Variants in ACBD3 observed in about 807,000 individuals in gnomAD.
ACBD3 encodes the protein Golgi resident protein GCP60.
In ACBD3, 30 loss-of-function variants were observed where a neutral mutation model predicts 66.9. The ratio of observed to expected loss-of-function variants is 0.45; its 90% confidence interval spans 0.34 to 0.61. The LOEUF (loss-of-function observed/expected upper bound fraction) is 0.61, where lower values mean the gene tolerates loss of function less well. Ranked by LOEUF, ACBD3 falls within the 20% of genes least tolerant of loss-of-function variation. The pLI, the probability that ACBD3 is intolerant of heterozygous loss-of-function variation, is 0.02. For synonymous variants in ACBD3, 278 were observed against 259.8 expected (o/e 1.07, Z -0.68); for missense variants, 544 against 664.5 (o/e 0.82, Z 1.99).
intron 1 of ACBD3, among the ~76,000 whole-genome samples, chr1:226,176,866 ATTTC>A (rs951332150): frequency 1.1e-4 from 17 of 152,214 alleles, no homozygotes; most frequent in Non-Finnish European, 1.8e-4. Context: ...ATATTTTAAT[ATTTC>A]TTCTCAGTAA....
intron 1 of ACBD3, among the ~76,000 whole-genome samples, chr1:226,169,717 A>T (rs145992988): frequency 0.12 from 1 of 8 alleles, no homozygotes; most frequent in African/African-American, 0.25. Flanking sequence ...TTTTTAAAAC[A>T]AAAAAAAAAA....
chr1:226,181,040 A>G (rs1005203667), intron 1 of ACBD3, among the ~76,000 whole-genome samples: 1 of 151,836 alleles, frequency 6.6e-6, no homozygotes, highest in African/African-American at 2.4e-5. Flanking sequence ...ACACATACAC[A>G]TTCCTGAATC....
chr1:226,184,299 A>G (rs1165328153), intron 1 of ACBD3, among the ~76,000 whole-genome samples: 1 of 152,234 alleles, frequency 6.6e-6, no homozygotes, highest in Non-Finnish European at 1.5e-5. Context: ...TGTCTCATAT[A>G]CTAACAGTCT....
chr1:226,164,107 A>G (rs1659821543), intron 3 of ACBD3, among the ~76,000 whole-genome samples: 1 of 130,518 alleles, frequency 7.7e-6, no homozygotes, highest in South Asian at 2.8e-4. Context: ...ACAGAGCAAG[A>G]CTCCATCTTA....
rs529200695 is a variant in ACBD3, at chr1:226,162,973, T to C, written c.570-1284A>G. 1.7e-4 allele frequency among the ~76,000 whole-genome samples: 26 copies of C among 150,652 alleles called. No individual in the cohort carries two copies. In the East Asian group the frequency reaches 4.7e-3, roughly 27 times the overall value. ...AACCACATCCGGCTAATTTTTGTAT[T>C]TTTTTTTTGTAGAGATGGGGTTTTG... On this transcript the variant is annotated intron_variant, in intron 3 of 7. Transcript: ENST00000366812.
chr1:226,153,564 C>T (rs902848681), intron 6 of ACBD3, among the ~76,000 whole-genome samples: 7 of 152,104 alleles, frequency 4.6e-5, no homozygotes, highest in African/African-American at 1.2e-4. Flanking sequence ...GATAATGTAC[C>T]TCTCTCTCCA....
In ACBD3 at chr1:226,146,529, C is replaced by T. The variant is rs1365440506; in HGVS notation, c.*81G>A. On this transcript the variant is annotated 3_prime_UTR_variant, in exon 8 of 8. Transcript: ENST00000366812. The stretch of plus-strand genomic sequence containing the variant: ...AATAAGGTAAACTGTGACTCTAATG[C>T]TCCACAAAAGTAAAAAGAAATTTCC... 9.0e-6 allele frequency: 11 copies of T among 1,216,798 alleles called. No homozygotes were observed. Among genetic ancestry groups the T allele is most frequent in the South Asian group, 1.3e-5 (1 of 74,752 alleles). The allele number at this position is 1,216,798 out of a possible 1,614,324, so 75.4% of individuals were successfully genotyped here.
At chr1:226,165,747 T>C (rs1464670609) in intron 2 of ACBD3, 112 bp downstream of exon 2, 31 of 1,261,076 alleles carry the variant, frequency 2.5e-5, no homozygotes, top group Admixed American at 8.4e-5. Context: ...GCAAAAATGT[T>C]CAGTTCTTAT....
At chr1:226,174,820 G>A (rs1216054021) in intron 1 of ACBD3, among the ~76,000 whole-genome samples, 1 of 151,068 alleles carries the variant, frequency 6.6e-6, no homozygotes, top group African/African-American at 2.4e-5. Context: ...TGAATGGGAA[G>A]GTGGGCACAG....
intron 1 of ACBD3, among the ~76,000 whole-genome samples, chr1:226,174,763 C>T (rs181731591): frequency 5.0e-4 from 76 of 151,548 alleles, no homozygotes; most frequent in African/African-American, 1.8e-3. Flanking sequence ...CAGACTCCGT[C>T]TCAAAAACAA....
Position 226,163,230 on chromosome 1 carries a change from T to A in ACBD3, c.570-1541A>T, listed in dbSNP as rs558460041. Among the ~76,000 whole-genome samples the A allele has an allele frequency of 1.1e-3, 169 of 152,358 alleles. 1 individual carries two copies. Among genetic ancestry groups the A allele is most frequent in the Non-Finnish European group, 1.6e-3 (111 of 68,038 alleles). ...TTAAACACTTTAAAATAATTCTATGTGGACTTTATCCCATGACAAAAGTAT... is the reference window on the plus strand; with the variant it reads ...TTAAACACTTTAAAATAATTCTATGAGGACTTTATCCCATGACAAAAGTAT... On this transcript the variant is annotated intron_variant, in intron 3 of 7. Coordinates refer to ENST00000366812, the MANE Select transcript of ACBD3 (RefSeq NM_022735.4).
chr1:226,183,883 T>TA (rs56294022), intron 1 of ACBD3, among the ~76,000 whole-genome samples: 17,020 of 72,600 alleles, frequency 0.23, 1,573 homozygotes, highest in East Asian at 0.26. Flanking sequence ...AAACTCTGCC[T>TA]AAAAAAAAAA....
At chr1:226,149,810 G>C (rs1438410149) in intron 7 of ACBD3, among the ~76,000 whole-genome samples, 1 of 151,784 alleles carries the variant, frequency 6.6e-6, no homozygotes, top group Non-Finnish European at 1.5e-5. Context: ...CCAAAGTGCT[G>C]AGATTACAGG....
At chr1:226,173,076 C>T (rs555886232) in intron 1 of ACBD3, among the ~76,000 whole-genome samples, 6 of 152,174 alleles carry the variant, frequency 3.9e-5, no homozygotes, top group East Asian at 1.9e-4. Flanking sequence ...GACCAGCCTG[C>T]GAAACAAAGT....
Position 226,144,829 on chromosome 1 carries a change from T to C in ACBD3, c.*1781A>G, listed in dbSNP as rs1025723528. On this transcript the variant is annotated 3_prime_UTR_variant, in exon 8 of 8. Transcript: ENST00000366812. ...GAACACATGACAGGAACCGCTGCTATGTAAAGTAACATACACTGCTCCCAA... is the reference window on the plus strand; with the variant it reads ...GAACACATGACAGGAACCGCTGCTACGTAAAGTAACATACACTGCTCCCAA... The C allele has an allele frequency of 2.0e-5, 3 of 152,636 alleles. No homozygotes were observed. The highest frequency in any genetic ancestry group is 7.2e-5 in the African/African-American group (3 of 41,452). The allele number at this position is 152,636 out of a possible 1,614,324, so 9.5% of individuals were successfully genotyped here.
chr1:226,186,692 T>C lies in ACBD3; in HGVS notation c.-17A>G, dbSNP rs1304403608. ...CGCCGCCATCTCCGGCTGCTGCACC[T>C]CCTCAGCGGGGACAGACGGCAGCCA... On this transcript the variant is annotated 5_prime_UTR_variant, in exon 1 of 8. Transcript: ENST00000366812. 4.7e-6 allele frequency: 7 copies of C among 1,476,890 alleles called. No individual in the cohort carries two copies. The East Asian group carries it at 1.1e-4, about 24-fold the overall frequency. The allele number at this position is 1,476,890 out of a possible 1,614,324, so 91.5% of individuals were successfully genotyped here.
rs768713434 is a variant in ACBD3 at position 226,161,517 on chromosome 1, C to T, written c.728+14G>A. 6 of 1,610,344 alleles carry T rather than the reference C, an allele frequency of 3.7e-6. No homozygotes were observed. In the South Asian group the frequency reaches 6.7e-5, roughly 18 times the overall value. On this transcript the variant is annotated intron_variant, in intron 4 of 7. Transcript: ENST00000366812. ...ATTTCTCATTTTAAAACATAAGCCACATAATAAACTTACTTTTGCTGCTCC... is the reference window on the plus strand; with the variant it reads ...ATTTCTCATTTTAAAACATAAGCCATATAATAAACTTACTTTTGCTGCTCC...
intron 7 of ACBD3, among the ~76,000 whole-genome samples, chr1:226,147,305 C>A (rs1659475002): frequency 6.6e-6 from 1 of 152,206 alleles, no homozygotes; most frequent in South Asian, 2.1e-4. Context: ...CTCATTCATT[C>A]AAATACCTAA....
intron 1 of ACBD3, among the ~76,000 whole-genome samples, chr1:226,170,355 T>TTTA (rs1659969774): frequency 6.7e-6 from 1 of 149,270 alleles, no homozygotes. Flanking sequence ...TTTTTTTTTT[T>TTTA]AGTAGAGACG....
Sources: allele counts gnomAD v4.1 joint callset (sites outside exome capture counted in the v4.1 genomes callset), GRCh38; gene constraint gnomAD v4.1.1; transcripts MANE v1.5; gene names NCBI Gene and HGNC (gene_info 2026-07-23, HGNC 2026-07-21).